The following PARD3B variants were observed in gnomAD, a reference collection of about 807,000 sequenced individuals.
The protein encoded by PARD3B is par-3 family cell polarity regulator beta.
In PARD3B, 103 loss-of-function variants were observed where a neutral mutation model predicts 130.2. That is an observed-to-expected ratio of 0.79 (90% CI 0.67 to 0.93). PARD3B has a LOEUF of 0.93. Ranked by LOEUF, PARD3B falls within the 40% of genes least tolerant of loss-of-function variation. The pLI, the probability that PARD3B is intolerant of heterozygous loss-of-function variation, is 0.00. For synonymous variants in PARD3B, 583 were observed against 553.2 expected, an observed-to-expected ratio of 1.05 and a Z score of -0.76; for missense variants, 1,609 against 1,499.2, an observed-to-expected ratio of 1.07 and a Z score of -1.21.
intron 20 of PARD3B, among the ~76,000 whole-genome samples, chr2:205,459,866 G>A (rs1014568831): frequency 5.9e-5 from 9 of 152,164 alleles, no homozygotes; most frequent in East Asian, 3.8e-4. Context: ...CCTTTGTCTC[G>A]TTTGTTTTCC....
intron 1 of PARD3B, among the ~76,000 whole-genome samples, chr2:204,587,568 C>T (rs1463492071): frequency 6.6e-6 from 1 of 152,132 alleles, no homozygotes; most frequent in Non-Finnish European, 1.5e-5. Flanking sequence ...AGAAAGCTAC[C>T]TCACTGATTC....
chr2:204,631,671 C>G (rs1313198434), intron 1 of PARD3B, among the ~76,000 whole-genome samples: 1 of 152,130 alleles, frequency 6.6e-6, no homozygotes, highest in East Asian at 1.9e-4. Flanking sequence ...ATTTTGCAGA[C>G]TTTTTAATGT....
chr2:205,023,452 CTT>C (rs11319827), intron 3 of PARD3B, among the ~76,000 whole-genome samples: 24,482 of 89,098 alleles, frequency 0.27, 2,857 homozygotes, highest in South Asian at 0.45. Context: ...ATGCCCACAC[CTT>C]TTTTTTTTTT....
chr2:205,317,882 A>G (rs1471317254), intron 18 of PARD3B, among the ~76,000 whole-genome samples: 1 of 152,158 alleles, frequency 6.6e-6, no homozygotes, highest in Non-Finnish European at 1.5e-5. Flanking sequence ...CTGTTCTCCT[A>G]AGGCTTTCTT....
At chr2:204,647,650 A>G (rs1177437402) in intron 1 of PARD3B, among the ~76,000 whole-genome samples, 1 of 151,848 alleles carries the variant, frequency 6.6e-6, no homozygotes, top group East Asian at 1.9e-4. Flanking sequence ...TTTTAGAAGT[A>G]TAATTTAAAT....
At chr2:205,588,940 C>T (rs1258057478) in intron 22 of PARD3B, among the ~76,000 whole-genome samples, 1 of 152,156 alleles carries the variant, frequency 6.6e-6, no homozygotes, top group Non-Finnish European at 1.5e-5. Flanking sequence ...CTTTGTGCTG[C>T]TCCTTAGAAA....
intron 16 of PARD3B, among the ~76,000 whole-genome samples, chr2:205,256,646 A>G (rs1052581496): frequency 2.6e-5 from 4 of 152,198 alleles, no homozygotes; most frequent in Non-Finnish European, 4.4e-5. Flanking sequence ...GGATTAAAAA[A>G]TAACATTTTT....
chr2:205,537,216 A>G lies in PARD3B; in HGVS notation c.3181-16108A>G, dbSNP rs551929721. On this transcript the variant is annotated intron_variant, in intron 21 of 22. Transcript: ENST00000406610. ...TAAATAGGTGTTGATTCTGCTCAAC[A>G]TTCATGCTATACTGGGGCATAATGA... is the stretch of plus-strand genomic sequence containing the variant. Among the ~76,000 whole-genome samples, 8 of 152,184 alleles carry G rather than the reference A, an allele frequency of 5.3e-5. 1 individual carries two copies. Among genetic ancestry groups the G allele is most frequent in the Non-Finnish European group, 1.2e-4 (8 of 68,028 alleles).
chr2:204,773,049 A>G (rs1040541947), intron 2 of PARD3B, among the ~76,000 whole-genome samples: 1 of 152,006 alleles, frequency 6.6e-6, no homozygotes, highest in African/African-American at 2.4e-5. Flanking sequence ...ATCTGGGAGA[A>G]TTTTGTGTAA....
intron 22 of PARD3B, among the ~76,000 whole-genome samples, chr2:205,565,466 T>G (rs2053289265): frequency 6.6e-6 from 1 of 152,216 alleles, no homozygotes; most frequent in Admixed American, 6.5e-5. Flanking sequence ...AGACAGTTTC[T>G]AGCCAGTGTT....
chr2:205,273,322 T>C (rs895108141), intron 16 of PARD3B, among the ~76,000 whole-genome samples: 2 of 152,192 alleles, frequency 1.3e-5, no homozygotes, highest in African/African-American at 2.4e-5. Flanking sequence ...CATTTCTTCT[T>C]TGCATTGTCA....
Position 205,592,414 on chromosome 2 carries a change from A to G in PARD3B, c.3261-23042A>G, listed in dbSNP as rs770048776. ...AAAAGAAAACCCCTTCTTTCCCACA[A>G]CAGGAATCTCCAGCGAACATCCACT... On this transcript the variant is annotated intron_variant, in intron 22 of 22. Coordinates refer to ENST00000406610, the MANE Select transcript of PARD3B (RefSeq NM_001302769.2). This position sits in a 1 kb window ranked among gnomAD's most constrained non-coding sequence, Gnocchi z 4.5. 5.8e-4 allele frequency among the ~76,000 whole-genome samples: 89 copies of G among 152,274 alleles called. 1 individual carries two copies. Among genetic ancestry groups the G allele is most frequent in the Non-Finnish European group, 1.1e-3 (75 of 68,024 alleles).
At chr2:205,402,264 G>C (rs1225162854) in intron 19 of PARD3B, among the ~76,000 whole-genome samples, 1 of 152,204 alleles carries the variant, frequency 6.6e-6, no homozygotes, top group African/African-American at 2.4e-5. Flanking sequence ...CTATTCACCT[G>C]ACAGAGCTAT....
At chr2:204,945,488 G>A (rs948262801) in intron 2 of PARD3B, among the ~76,000 whole-genome samples, 10 of 152,182 alleles carry the variant, frequency 6.6e-5, no homozygotes, top group Admixed American at 1.3e-4. Context: ...CTATAGAACA[G>A]AAAAGGAACA....
At chr2:205,001,030 C>T (rs994291680) in intron 3 of PARD3B, among the ~76,000 whole-genome samples, 1 of 152,032 alleles carries the variant, frequency 6.6e-6, no homozygotes, top group African/African-American at 2.4e-5. Context: ...GCTCTTTTTG[C>T]CCAGGCTGAA....
intron 3 of PARD3B, among the ~76,000 whole-genome samples, chr2:205,042,466 C>T (rs1037912955): frequency 6.6e-6 from 1 of 151,998 alleles, no homozygotes; most frequent in African/African-American, 2.4e-5. Flanking sequence ...GGAGAATATT[C>T]TAGTGAGAAT....
At chr2:204,573,942 T>C (rs900078067) in intron 1 of PARD3B, among the ~76,000 whole-genome samples, 1 of 152,234 alleles carries the variant, frequency 6.6e-6, no homozygotes. Context: ...TACTGTCTTA[T>C]AGCGTCTCCA....
chr2:205,254,088 TAAA>T (rs11287171), intron 16 of PARD3B, among the ~76,000 whole-genome samples: 6,713 of 75,768 alleles, frequency 0.089, 182 homozygotes, highest in East Asian at 0.21. Context: ...GTAGAGAAAT[TAAA>T]AAAAAAAAAA....
At chr2:204,862,112 T>C (rs2045232695) in intron 2 of PARD3B, among the ~76,000 whole-genome samples, 1 of 152,166 alleles carries the variant, frequency 6.6e-6, no homozygotes, top group Admixed American at 6.5e-5. Context: ...GAAAATTATG[T>C]TTCAAATCTT....
Sources: gnomAD v4.1 joint callset for allele counts (sites outside exome capture counted in the v4.1 genomes callset) on GRCh38, gnomAD v4.1.1 for gene constraint, Gnocchi (gnomAD v3.1) non-coding constraint, MANE v1.5 for transcripts, NCBI Gene and HGNC (gene_info 2026-07-23, HGNC 2026-07-21) for gene names.